The following XPR1 variants were observed in gnomAD, a reference collection of about 807,000 sequenced individuals.
The protein encoded by XPR1 is xenotropic and polytropic retrovirus receptor 1, also known as solute carrier family 53 member 1.
A neutral mutation model predicts 87.5 loss-of-function variants in XPR1; 28 were observed. The observed-to-expected ratio is 0.32, with a 90% CI of 0.24 to 0.44. The LOEUF (loss-of-function observed/expected upper bound fraction) is 0.44, where lower values mean the gene tolerates loss of function less well. Ranked by LOEUF, XPR1 falls within the 20% of genes least tolerant of loss-of-function variation. XPR1 has a pLI of 1.00. For synonymous variants in XPR1, 300 were observed against 306.1 expected (o/e 0.98, Z 0.21); for missense variants, 559 against 862.3 (o/e 0.65, Z 4.41).
chr1:180,838,593 A>G (rs115802435), intron 11 of XPR1, among the ~76,000 whole-genome samples: 4,194 of 152,292 alleles, frequency 0.028, 71 homozygotes, highest in Non-Finnish European at 0.031. Flanking sequence ...AAAGAATTTT[A>G]TAAACCGTAT....
chr1:180,694,777 A>G (rs888117188), intron 2 of XPR1, among the ~76,000 whole-genome samples: 2 of 45,836 alleles, frequency 4.4e-5, no homozygotes, highest in African/African-American at 2.5e-4. Flanking sequence ...TTGTGTGCAC[A>G]CACACACACA....
intron 11 of XPR1, among the ~76,000 whole-genome samples, chr1:180,839,139 T>C (rs573687687): frequency 2.6e-5 from 4 of 152,322 alleles, no homozygotes; most frequent in Admixed American, 2.6e-4. Context: ...CAGTGAGTTA[T>C]TTATGGGTTA....
chr1:180,875,336 A>C (rs6679725), intron 13 of XPR1, among the ~76,000 whole-genome samples: 6,517 of 151,896 alleles, frequency 0.043, 497 homozygotes, highest in African/African-American at 0.15. Flanking sequence ...ATGGCAAAAC[A>C]CATCTCTACA....
At position 180,738,160 on chromosome 1, in the gene XPR1, C is replaced by T. The variant is rs1040588973; in HGVS notation, c.122-49593C>T. 2.6e-5 allele frequency among the ~76,000 whole-genome samples: 4 copies of T among 151,998 alleles called. No homozygotes were observed. In the East Asian group the frequency reaches 5.8e-4, roughly 22 times the overall value. On this transcript the variant is annotated intron_variant, in intron 2 of 14. Coordinates refer to ENST00000367590, the MANE Select transcript of XPR1 (RefSeq NM_004736.4). The stretch of plus-strand genomic sequence containing the variant: ...CCGAGTAGCTGAGATTGCAGGTATG[C>T]GCCACCACGCCCAACTAATTTTTGT...
chr1:180,816,493 G>A (rs181175433), intron 7 of XPR1, among the ~76,000 whole-genome samples: 20 of 152,286 alleles, frequency 1.3e-4, no homozygotes, highest in Non-Finnish European at 2.6e-4. Flanking sequence ...TAATAGAAAT[G>A]CTTACATATG....
chr1:180,842,725 A>G (rs573041746), intron 11 of XPR1, among the ~76,000 whole-genome samples: 63 of 152,164 alleles, frequency 4.1e-4, no homozygotes, highest in Non-Finnish European at 6.5e-4. Flanking sequence ...AGAAAAGGCC[A>G]TTATGTTGTT....
intron 2 of XPR1, among the ~76,000 whole-genome samples, chr1:180,733,905 A>C (rs73034870): frequency 6.6e-6 from 1 of 152,208 alleles, no homozygotes; most frequent in Non-Finnish European, 1.5e-5. Flanking sequence ...CTTCCTGTAC[A>C]TCAGGCATTT....
At chr1:180,679,487 G>A (rs879186075) in intron 1 of XPR1, among the ~76,000 whole-genome samples, 1 of 152,156 alleles carries the variant, frequency 6.6e-6, no homozygotes, top group East Asian at 1.9e-4. Context: ...CTGAGTTTGA[G>A]GAATCCTGCT....
intron 2 of XPR1, among the ~76,000 whole-genome samples, chr1:180,743,167 A>G (rs192326292): frequency 4.1e-5 from 6 of 145,066 alleles, no homozygotes; most frequent in East Asian, 4.2e-4. Flanking sequence ...CCATTTTGTT[A>G]TTATTATTAT....
chr1:180,641,574 T>C (rs1477312430), intron 1 of XPR1, among the ~76,000 whole-genome samples: 1 of 152,206 alleles, frequency 6.6e-6, no homozygotes, highest in East Asian at 1.9e-4. Flanking sequence ...TGTCTGTATA[T>C]TTGTTTTTAG....
rs927537384 is a variant in XPR1, at chr1:180,794,016, A to T, written c.223+6162A>T. 1.2e-4 allele frequency among the ~76,000 whole-genome samples: 18 copies of T among 152,252 alleles called. No individual in the cohort carries two copies. The East Asian group carries it at 2.7e-3, about 23-fold the overall frequency. On this transcript the variant is annotated intron_variant, in intron 3 of 14. Transcript: ENST00000367590. The stretch of plus-strand genomic sequence containing the variant: ...ATCATGTAAATAATGGGTTTTTTTT[A>T]AATTGTAGGTCACAACCCAATAAAT...
chr1:180,666,126 T>G (rs1214574225), intron 1 of XPR1, among the ~76,000 whole-genome samples: 1 of 152,208 alleles, frequency 6.6e-6, no homozygotes, highest in Non-Finnish European at 1.5e-5. Flanking sequence ...ATAGGAGGGT[T>G]TATTTGTGGA....
At chr1:180,759,226 C>T (rs771164907) in intron 2 of XPR1, among the ~76,000 whole-genome samples, 8 of 152,268 alleles carry the variant, frequency 5.3e-5, no homozygotes, top group Non-Finnish European at 7.3e-5. Context: ...CAAGAGCAAA[C>T]ACATTCAAAA....
intron 1 of XPR1, among the ~76,000 whole-genome samples, chr1:180,663,437 C>A (rs1655845003): frequency 6.6e-6 from 1 of 152,186 alleles, no homozygotes; most frequent in Non-Finnish European, 1.5e-5. Context: ...CAGAAGAATT[C>A]TCTGGATTGT....
intron 2 of XPR1, among the ~76,000 whole-genome samples, chr1:180,691,332 T>C (rs1436841171): frequency 6.6e-6 from 1 of 152,196 alleles, no homozygotes; most frequent in Non-Finnish European, 1.5e-5. Flanking sequence ...TTTTGATATA[T>C]ATCTACTCAG....
At chr1:180,668,534 C>A (rs1212001207) in intron 1 of XPR1, among the ~76,000 whole-genome samples, 1 of 152,180 alleles carries the variant, frequency 6.6e-6, no homozygotes, top group African/African-American at 2.4e-5. Flanking sequence ...AATTTGAAAT[C>A]CATTCACAGC....
Position 180,872,738 on chromosome 1 carries a change from C to T in XPR1, c.1669-1065C>T, listed in dbSNP as rs1264350254. Among the ~76,000 whole-genome samples the T allele has an allele frequency of 7.2e-4, 107 of 148,340 alleles. 2 individuals are homozygous for T. The East Asian group carries it at 0.017, about 24-fold the overall frequency. ...GTCTGGCACTCCCTAGTGAGATGAA[C>T]CCGGTACCTCAGATGGAAATGCAGA... On this transcript the variant is annotated intron_variant, in intron 12 of 14. Coordinates refer to ENST00000367590, the MANE Select transcript of XPR1 (RefSeq NM_004736.4).
intron 2 of XPR1, among the ~76,000 whole-genome samples, chr1:180,779,574 G>T (rs1265790817): frequency 6.6e-6 from 1 of 151,920 alleles, no homozygotes; most frequent in Non-Finnish European, 1.5e-5. Flanking sequence ...GGCCAACATG[G>T]TGAAACATCA....
At chr1:180,859,811 A>G (rs1652159610) in intron 11 of XPR1, among the ~76,000 whole-genome samples, 2 of 152,160 alleles carry the variant, frequency 1.3e-5, no homozygotes, top group Non-Finnish European at 2.9e-5. Context: ...AGTGTGATTC[A>G]GAAAAGAAAG....
Sources: gnomAD v4.1 joint callset for allele counts (sites outside exome capture counted in the v4.1 genomes callset) on GRCh38, gnomAD v4.1.1 for gene constraint, MANE v1.5 for transcripts, NCBI Gene and HGNC (gene_info 2026-07-23, HGNC 2026-07-21) for gene names.